The following MYH6 variants were observed in gnomAD, a reference collection of about 807,000 sequenced individuals.
MYH6 encodes myosin heavy chain 6, also known as myosin-6.
A neutral mutation model predicts 223.2 loss-of-function variants in MYH6; 126 were observed. The ratio of observed to expected loss-of-function variants is 0.56; its 90% CI spans 0.49 to 0.65. The LOEUF (loss-of-function observed/expected upper bound fraction) is 0.65, where lower values mean the gene tolerates loss of function less well. Among genes scored for constraint, MYH6 ranks in the 30% least tolerant of loss-of-function variants. The pLI is 0.00. For synonymous variants in MYH6, 978 were observed against 1,010.2 expected (o/e 0.97, Z 0.61); for missense variants, 2,040 against 2,536.4 (o/e 0.80, Z 4.20).
Position 23,400,245 on chromosome 14 carries a change from C to T in MYH6, c.1581+11G>A, listed in dbSNP as rs1354691972. On this transcript the variant is annotated intron_variant, in intron 14 of 38. Coordinates refer to ENST00000405093, the MANE Select transcript of MYH6 (RefSeq NM_002471.4). ...GAGGAGGGGGCATAGGTGGTGAGGC[C>T]AAGGAGGCACCTTCTCGATGAGGTC... The T allele has an allele frequency of 7.4e-6, 12 of 1,614,046 alleles. No homozygotes were observed. Among genetic ancestry groups the T allele is most frequent in the East Asian group, 4.5e-5 (2 of 44,878 alleles).
intron 8 of MYH6, 142 bp downstream of exon 8, chr14:23,404,154 G>A: frequency 9.3e-7 from 1 of 1,071,396 alleles, no homozygotes; most frequent in Non-Finnish European, 1.4e-6. Flanking sequence ...TGGCTCCAAA[G>A]CCTATGCTCT....
intron 25 of MYH6, among the ~76,000 whole-genome samples, chr14:23,392,244 T>C (rs1422740798): frequency 6.6e-6 from 1 of 151,796 alleles, no homozygotes; most frequent in African/African-American, 2.4e-5. Flanking sequence ...AGGGCTGAAC[T>C]ACCAGAGGAA....
At chr14:23,390,933 G>A (rs1891221382) in intron 25 of MYH6, among the ~76,000 whole-genome samples, 1 of 152,182 alleles carries the variant, frequency 6.6e-6, no homozygotes, top group Non-Finnish European at 1.5e-5. Flanking sequence ...AATTCTCCAA[G>A]TTAACCACAA....
intron 28 of MYH6, 64 bp from the exon 29 acceptor site, chr14:23,389,119 C>A: frequency 6.6e-7 from 1 of 1,515,374 alleles, no homozygotes; most frequent in Non-Finnish European, 8.8e-7. Flanking sequence ...TCTAGATTCT[C>A]TTCTTATGTA....
chr14:23,405,822 C>G lies in MYH6; in HGVS notation c.202-52G>C. The G allele has an allele frequency of 6.2e-7, 1 of 1,613,086 alleles. No individual in the cohort carries two copies. The highest frequency in any genetic ancestry group is 8.5e-7 in the Non-Finnish European group (1 of 1,179,218). On this transcript the variant is annotated intron_variant, in intron 3 of 38. Transcript: ENST00000405093. The surrounding 1 kb of genome is among the most constrained non-coding windows in gnomAD (Gnocchi z 4.7). ...TGAGTGACCACAATCCCTCCGGGAC[C>G]CTTGCCAGCACTGCCCACTGACCTC...
Position 23,407,930 on chromosome 14 carries a change from C to G in MYH6, c.-46-322G>C, listed in dbSNP as rs1487346098. On this transcript the variant is annotated intron_variant, in intron 1 of 38. Transcript: ENST00000405093. This position sits in a 1 kb window ranked among gnomAD's most constrained non-coding sequence, Gnocchi z 5.6. Reference sequence around the variant, plus strand: ...TGATTGTGACAAGTGTCGATGAAGACCAAGAGGCAAGATAAAACCAGGATC... The same window carrying G: ...TGATTGTGACAAGTGTCGATGAAGAGCAAGAGGCAAGATAAAACCAGGATC... Among the ~76,000 whole-genome samples, 1 of 151,858 alleles carries G rather than the reference C, an allele frequency of 6.6e-6. No homozygotes were observed. Among genetic ancestry groups the G allele is most frequent in the East Asian group, 1.9e-4 (1 of 5,180 alleles).
rs779071373 is a variant in MYH6 at position 23,400,290 on chromosome 14, A to G, written c.1547T>C (p.Met516Thr). The stretch of plus-strand genomic sequence containing the variant: ...GAGGTCAATGCAGGCCTGCAGGTCC[A>G]TGCCAAAGTCAATGAATGTCCACTC... ...GIEWTFIDFG[M>T]DLQACIDLIE... Residue 516 changes from methionine (M) to threonine (T), a missense_variant, in exon 14 of 39, where the codon ATG (methionine) becomes ACG (threonine). Around this residue, in one of 4 missense-constraint regions of MYH6, gnomAD observed 649 missense variants for 877.3 expected, o/e 0.74. Transcript: ENST00000405093. The G allele has an allele frequency of 6.2e-7, 1 of 1,614,246 alleles. No homozygotes were observed. The highest frequency in any genetic ancestry group is 1.1e-5 in the South Asian group (1 of 91,088).
At chr14:23,395,377 T>C (rs1461318492) in intron 20 of MYH6, among the ~76,000 whole-genome samples, 9 of 152,238 alleles carry the variant, frequency 5.9e-5, no homozygotes, top group Non-Finnish European at 1.2e-4. Flanking sequence ...TATTTACCCA[T>C]TCCCCTGTGG....
intron 34 of MYH6, 97 bp from the exon 35 acceptor site, chr14:23,385,138 T>G (rs1890982196): frequency 2.6e-6 from 4 of 1,537,022 alleles, no homozygotes; most frequent in Non-Finnish European, 3.6e-6. Context: ...GGTCATTTTT[T>G]TTTTAAAACA....
chr14:23,396,953 T>G lies in MYH6; in HGVS notation c.2168+10A>C. On this transcript the variant is annotated intron_variant, in intron 18 of 38. Transcript: ENST00000405093. ...CTGTTCTATGAGCTCTGGGGCACCC[T>G]CATACCCACCTCTGCCGGAAGTCCC... is the stretch of plus-strand genomic sequence containing the variant. 5.6e-6 allele frequency: 9 copies of G among 1,612,432 alleles called. No individual in the cohort carries two copies. The highest frequency in any genetic ancestry group is 7.6e-6 in the Non-Finnish European group (9 of 1,179,948).
intron 12 of MYH6, among the ~76,000 whole-genome samples, chr14:23,402,189 T>C (rs542262726): frequency 6.6e-5 from 10 of 152,314 alleles, no homozygotes; most frequent in Admixed American, 5.2e-4. Context: ...GTGATGGTGA[T>C]GTGCAGAGCT....
intron 3 of MYH6, 43 bp downstream of exon 3, chr14:23,406,980 C>T: frequency 6.2e-7 from 1 of 1,604,406 alleles, no homozygotes; most frequent in Admixed American, 1.7e-5. Context: ...ATCTTCTTTC[C>T]CAGACCTCCT....
rs755417086 is a variant in MYH6, at chr14:23,384,903, G to T, written c.5289+13C>A. The T allele has an allele frequency of 6.2e-7, 1 of 1,613,790 alleles. No homozygotes were observed. The highest frequency in any genetic ancestry group is 2.2e-5 in the East Asian group (1 of 44,882). On this transcript the variant is annotated intron_variant, in intron 35 of 38. Coordinates refer to ENST00000405093, the MANE Select transcript of MYH6 (RefSeq NM_002471.4). The stretch of plus-strand genomic sequence containing the variant: ...CTGTCTTTAGGGGAGGCGGAAGGTG[G>T]GCGGTCACTTACATCCGTGATGGCC...
chr14:23,402,497 G>T lies in MYH6; in HGVS notation c.1108C>A (p.Arg370=). 6.2e-7 allele frequency: 1 copy of T among 1,613,392 alleles called. No homozygotes were observed. Among genetic ancestry groups the T allele is most frequent in the South Asian group, 1.1e-5 (1 of 91,042 alleles). Residue 370 remains arginine, a synonymous_variant, in exon 12 of 39, where the codon CGG becomes AGG. Transcript: ENST00000405093. ...YGNMKFKQKQ[R]EEQAEPDGTE... ...CCGTCTGGCTCCGCCTGCTCCTCCC[G>T]CTGCTTCTGCTTGAACTTCATGTTC...
Position 23,384,937 on chromosome 14 carries a change from C to G in MYH6, c.5268G>C (p.Lys1756Asn). Residue 1756 changes from lysine (K) to asparagine (N), a missense_variant, in exon 35 of 39, where the codon AAG becomes AAC. Transcript: ENST00000405093. ...TTACATCCGTGATGGCCTTCTTGGCCTTCTCCTCGGCGTTTCTGCACTCCT... is the reference window on the plus strand; with the variant it reads ...TTACATCCGTGATGGCCTTCTTGGCGTTCTCCTCGGCGTTTCTGCACTCCT... ...AVQECRNAEE[K>N]AKKAITDAAM... The G allele has an allele frequency of 6.2e-7, 1 of 1,614,198 alleles. No individual in the cohort carries two copies. The highest frequency in any genetic ancestry group is 8.5e-7 in the Non-Finnish European group (1 of 1,180,034).
intron 20 of MYH6, among the ~76,000 whole-genome samples, chr14:23,394,645 T>C (rs1294536977): frequency 6.6e-6 from 1 of 152,168 alleles, no homozygotes; most frequent in African/African-American, 2.4e-5. Flanking sequence ...AGAATGTCTA[T>C]AATAAGTATG....
In MYH6 at chr14:23,390,405, G is replaced by A. The variant is rs1424536574; in HGVS notation, c.3384C>T (p.Arg1128=). The A allele has an allele frequency of 1.2e-6, 2 of 1,611,108 alleles. No individual in the cohort carries two copies. Among genetic ancestry groups the A allele is most frequent in the East Asian group, 2.2e-5 (1 of 44,800 alleles). ...EELEEELEAE[R]TARAKVEKLR... Reference sequence around the variant, plus strand: ...GCTTCTCCACCTTAGCCCTGGCGGTGCGCTCGGCCTCCAGCTCCTCCTCCA... The same window carrying A: ...GCTTCTCCACCTTAGCCCTGGCGGTACGCTCGGCCTCCAGCTCCTCCTCCA... Residue 1128 remains arginine, a synonymous_variant, in exon 26 of 39, where the codon CGC becomes CGT. Transcript: ENST00000405093.
intron 10 of MYH6, 137 bp downstream of exon 10, chr14:23,403,211 G>A (rs966460341): frequency 1.3e-5 from 10 of 795,740 alleles, no homozygotes; most frequent in South Asian, 7.0e-5. Context: ...GGGAGCTGGC[G>A]GAGTGAGTGG....
rs762392134 is a variant in MYH6, at chr14:23,385,049, TGGA to T, written c.5164-11_5164-9del. On this transcript the variant is annotated splice_polypyrimidine_tract_variant and intron_variant, in intron 34 of 38. Coordinates refer to ENST00000405093, the MANE Select transcript of MYH6 (RefSeq NM_002471.4). ...GTTGATGAGGCTGGTGTTCTAGACA[TGGA>T]GAGAGAAAAATGATCAAATATATAC... 5.0e-6 allele frequency: 8 copies of T among 1,614,140 alleles called. No individual in the cohort carries two copies. In the East Asian group the frequency reaches 1.6e-4, roughly 31 times the overall value.
Sources: allele counts gnomAD v4.1 joint callset (sites outside exome capture counted in the v4.1 genomes callset), GRCh38; gene constraint gnomAD v4.1.1; regional missense constraint gnomAD v4.1.1; non-coding constraint Gnocchi (gnomAD v3.1); transcripts MANE v1.5; gene names NCBI Gene and HGNC (gene_info 2026-07-23, HGNC 2026-07-21).